The following KSR2 variants were observed in gnomAD, a reference collection of about 807,000 sequenced individuals.
KSR2 encodes kinase suppressor of ras 2.
In KSR2, 25 loss-of-function variants were observed where a neutral mutation model predicts 107.8. The observed-to-expected ratio is 0.23, with a 90% CI of 0.17 to 0.32. The LOEUF is 0.32. Ranked by LOEUF, KSR2 falls within the 10% of genes least tolerant of loss-of-function variation. The pLI is 1.00. For synonymous variants in KSR2, 480 were observed against 507.0 expected, an observed-to-expected ratio of 0.95 and a Z score of 0.71; for missense variants, 887 against 1,268.9, an observed-to-expected ratio of 0.70 and a Z score of 4.57.
At chr12:117,819,152 A>C (rs566388025) in intron 3 of KSR2, among the ~76,000 whole-genome samples, 3 of 152,100 alleles carry the variant, frequency 2.0e-5, no homozygotes, top group African/African-American at 7.2e-5. Flanking sequence ...CAAAATATGT[A>C]GCATCAGGCT....
chr12:117,859,799 G>T (rs981450602), intron 2 of KSR2, among the ~76,000 whole-genome samples: 1 of 152,178 alleles, frequency 6.6e-6, no homozygotes, highest in African/African-American at 2.4e-5. Flanking sequence ...TATGATGTCG[G>T]CTATTTAAGA....
chr12:117,883,979 A>G (rs1057318095), intron 1 of KSR2, among the ~76,000 whole-genome samples: 2 of 152,078 alleles, frequency 1.3e-5, no homozygotes, highest in African/African-American at 2.4e-5. Context: ...TTTCATTCCT[A>G]TGCCGTGGGG....
At chr12:117,658,123 G>A (rs1210742410) in intron 5 of KSR2, among the ~76,000 whole-genome samples, 2 of 152,182 alleles carry the variant, frequency 1.3e-5, no homozygotes, top group African/African-American at 2.4e-5. Flanking sequence ...TTCATGTGAC[G>A]GGGCAGAGAG....
chr12:117,461,860 C>G lies in KSR2; in HGVS notation c.*5339G>C, dbSNP rs1443394984. 6.6e-6 allele frequency: 1 copy of G among 152,220 alleles called. No homozygotes were observed. Among genetic ancestry groups the G allele is most frequent in the Non-Finnish European group, 1.5e-5 (1 of 68,082 alleles). The allele number at this position is 152,220 out of a possible 1,614,324, so 9.4% of individuals were successfully genotyped here. A position where few individuals can be genotyped will look rare whatever the true frequency, so the allele number is the denominator to read the frequency against. ...CAGGCAAAGCCAAAAAAGGAAACAGCAAAATGTAGCTCATCAAAATCCACT... is the reference window on the plus strand; with the variant it reads ...CAGGCAAAGCCAAAAAAGGAAACAGGAAAATGTAGCTCATCAAAATCCACT... On this transcript the variant is annotated 3_prime_UTR_variant, in exon 20 of 20. Transcript: ENST00000339824.
intron 14 of KSR2, among the ~76,000 whole-genome samples, chr12:117,487,107 A>G (rs1872507980): frequency 6.6e-6 from 1 of 152,222 alleles, no homozygotes; most frequent in Non-Finnish European, 1.5e-5. Flanking sequence ...GTAAAGGTGT[A>G]GGCACCTCTC....
intron 5 of KSR2, among the ~76,000 whole-genome samples, chr12:117,638,278 G>T (rs1418485392): frequency 6.6e-6 from 1 of 152,114 alleles, no homozygotes; most frequent in Non-Finnish European, 1.5e-5. Context: ...TAATAGTTTT[G>T]AAGTCCTTTT....
At chr12:117,863,987 T>G (rs1893394641) in intron 1 of KSR2, among the ~76,000 whole-genome samples, 1 of 152,128 alleles carries the variant, frequency 6.6e-6, no homozygotes, top group South Asian at 2.1e-4. Flanking sequence ...ATCCTTATCT[T>G]ACATCTGCAA....
intron 5 of KSR2, among the ~76,000 whole-genome samples, chr12:117,627,214 T>C (rs994169457): frequency 4.4e-4 from 67 of 152,272 alleles, no homozygotes; most frequent in Non-Finnish European, 8.2e-4. Context: ...AAGGTTAATA[T>C]TGTTATGTGT....
intron 3 of KSR2, among the ~76,000 whole-genome samples, chr12:117,793,612 C>T (rs1389464796): frequency 6.9e-6 from 1 of 144,480 alleles, no homozygotes; most frequent in African/African-American, 2.5e-5. Flanking sequence ...AACATGCACA[C>T]TCACACCAAC....
At chr12:117,719,741 T>C (rs1887132913) in intron 4 of KSR2, among the ~76,000 whole-genome samples, 1 of 152,210 alleles carries the variant, frequency 6.6e-6, no homozygotes. Flanking sequence ...AAAATGAACA[T>C]GCATTAATTG....
At position 117,462,699 on chromosome 12, in the gene KSR2, A is replaced by C. The variant is rs1870964355; in HGVS notation, c.*4500T>G. 1 of 152,298 alleles carries C rather than the reference A, an allele frequency of 6.6e-6. No individual in the cohort carries two copies. Among genetic ancestry groups the C allele is most frequent in the Non-Finnish European group, 1.5e-5 (1 of 68,126 alleles). The allele number at this position is 152,298 out of a possible 1,614,324, so 9.4% of individuals were successfully genotyped here. ...ACGGAGGTGAGGGGGGCTTGGGGAT[A>C]TGGTGGCACAGTGGAACAAGACCAG... On this transcript the variant is annotated 3_prime_UTR_variant, in exon 20 of 20. Coordinates refer to ENST00000339824, the MANE Select transcript of KSR2 (RefSeq NM_173598.6).
intron 3 of KSR2, among the ~76,000 whole-genome samples, chr12:117,790,212 GGTC>G (rs557910900): frequency 5.6e-4 from 86 of 152,288 alleles, no homozygotes; most frequent in Admixed American, 2.0e-3. Flanking sequence ...AGCCTCAGGA[GGTC>G]CTGATGACAT....
Position 117,887,076 on chromosome 12 carries a change from G to A in KSR2, c.181-26645C>T, listed in dbSNP as rs1459674051. 2.0e-5 allele frequency among the ~76,000 whole-genome samples: 3 copies of A among 151,560 alleles called. No individual in the cohort carries two copies. The East Asian group carries it at 5.8e-4, about 29-fold the overall frequency. ...GTAGTTGGGACTACGGGCGCTCATT[G>A]CCACACCGGGCTAAATTTTTTATTT... On this transcript the variant is annotated intron_variant, in intron 1 of 19. Transcript: ENST00000339824.
chr12:117,881,500 T>C (rs554833640), intron 1 of KSR2, among the ~76,000 whole-genome samples: 1 of 152,230 alleles, frequency 6.6e-6, no homozygotes, highest in South Asian at 2.1e-4. Context: ...GTCTGTGCTA[T>C]AAGCCCCGCT....
At chr12:117,483,087 A>G (rs1872264958) in intron 16 of KSR2, among the ~76,000 whole-genome samples, 1 of 152,216 alleles carries the variant, frequency 6.6e-6, no homozygotes, top group Non-Finnish European at 1.5e-5. Flanking sequence ...CTTGGGTTCC[A>G]ACTGGAGGGA....
chr12:117,583,629 C>G (rs970482913), intron 5 of KSR2, among the ~76,000 whole-genome samples: 2 of 152,188 alleles, frequency 1.3e-5, no homozygotes, highest in African/African-American at 4.8e-5. Context: ...TGTACTATCA[C>G]TCCATTACAG....
chr12:117,528,273 G>C (rs1247001925), intron 12 of KSR2, among the ~76,000 whole-genome samples: 1 of 152,074 alleles, frequency 6.6e-6, no homozygotes, highest in South Asian at 2.1e-4. Context: ...TGGGTACAGT[G>C]TGCATTAGAG....
chr12:117,621,236 G>C (rs1882180106), intron 5 of KSR2, among the ~76,000 whole-genome samples: 1 of 152,096 alleles, frequency 6.6e-6, no homozygotes, highest in Admixed American at 6.6e-5. Context: ...AGACATGCCT[G>C]CTTCCCCTTC....
At chr12:117,531,606 C>T in intron 11 of KSR2, 60 bp downstream of exon 11, 2 of 1,474,878 alleles carry the variant, frequency 1.4e-6, no homozygotes, top group Admixed American at 1.8e-5. Flanking sequence ...ATCCCAGAAA[C>T]TCCTGCAATG....
Sources: gnomAD v4.1 joint callset for allele counts (sites outside exome capture counted in the v4.1 genomes callset) on GRCh38, gnomAD v4.1.1 for gene constraint, MANE v1.5 for transcripts, NCBI Gene and HGNC (gene_info 2026-07-23, HGNC 2026-07-21) for gene names.